GOLGA8T: variants seen among roughly 807,000 people sequenced by gnomAD.
GOLGA8T encodes golgin A8 family member T.
A neutral mutation model predicts 52.0 loss-of-function variants in GOLGA8T; 17 were observed. The observed-to-expected ratio is 0.33, with a 90% CI of 0.22 to 0.49. The LOEUF (loss-of-function observed/expected upper bound fraction) is 0.49, where lower values mean the gene tolerates loss of function less well. Ranked by LOEUF, GOLGA8T falls within the 20% of genes least tolerant of loss-of-function variation. The pLI, the probability that GOLGA8T is intolerant of heterozygous loss-of-function variation, is 0.99. For synonymous variants in GOLGA8T, 67 were observed against 169.5 expected (o/e 0.40, Z 4.70); for missense variants, 154 against 462.1 (o/e 0.33, Z 6.11).
rs1288354270 is a variant in GOLGA8T, at chr15:30,148,357, G to A, written c.*2790G>A. ...TTTCCAGAAATGAAAAAAAAAATCA[G>A]CTCTAAAACCAAAGCGATTTTAGAA... is the stretch of plus-strand genomic sequence containing the variant. On this transcript the variant is annotated 3_prime_UTR_variant, in exon 19 of 19. Transcript: ENST00000569052. Among the ~76,000 whole-genome samples the A allele has an allele frequency of 2.3e-5, 3 of 129,148 alleles. 1 individual carries two copies. The highest frequency in any genetic ancestry group is 4.0e-5 in the African/African-American group (1 of 24,866). The allele number at this position is 129,148 out of a possible 152,430, so 84.7% of individuals were successfully genotyped here. A position where few individuals can be genotyped will look rare whatever the true frequency, so the allele number is the denominator to read the frequency against.
At chr15:30,140,214 C>G in intron 8 of GOLGA8T, 1 of 447,400 alleles carries the variant, frequency 2.2e-6, no homozygotes, top group South Asian at 1.9e-5. Flanking sequence ...AACATGTCTG[C>G]AAGGGTTCAT....
chr15:30,145,619 G>A lies in GOLGA8T; in HGVS notation c.*52G>A, dbSNP rs2057819462. Reference sequence around the variant, plus strand: ...AAGAAATTTTTAAATAAGAAACCAAGTTATGGGGTTAATCTCCTACACAAT... The same window carrying A: ...AAGAAATTTTTAAATAAGAAACCAAATTATGGGGTTAATCTCCTACACAAT... On this transcript the variant is annotated 3_prime_UTR_variant, in exon 19 of 19. Transcript: ENST00000569052. The A allele has an allele frequency of 6.7e-6, 6 of 890,746 alleles. 1 individual carries two copies. The highest frequency in any genetic ancestry group is 9.9e-6 in the Non-Finnish European group (6 of 606,480). The allele number at this position is 890,746 out of a possible 1,614,324, so 55.2% of individuals were successfully genotyped here.
chr15:30,145,997 C>G lies in GOLGA8T; in HGVS notation c.*430C>G, dbSNP rs1399807323. Reference sequence around the variant, plus strand: ...TGCCTATGTTCTGCTGTTGTTTGATCTAATCTTAATCACAGTGAGCTCTTC... The same window carrying G: ...TGCCTATGTTCTGCTGTTGTTTGATGTAATCTTAATCACAGTGAGCTCTTC... On this transcript the variant is annotated 3_prime_UTR_variant, in exon 19 of 19. Coordinates refer to ENST00000569052, the MANE Select transcript of GOLGA8T (RefSeq NM_001355469.2). 2.6e-3 allele frequency among the ~76,000 whole-genome samples: 304 copies of G among 117,742 alleles called. No homozygotes were observed. Among genetic ancestry groups the G allele is most frequent in the South Asian group, 0.018 (66 of 3,624 alleles). 77.2% of individuals were successfully genotyped at this position (117,742 alleles called of 152,430 possible). A position where few individuals can be genotyped will look rare whatever the true frequency, so the allele number is the denominator to read the frequency against.
Position 30,142,375 on chromosome 15 carries a change from T to C in GOLGA8T, c.1193T>C (p.Leu398Pro). Residue 398 changes from leucine to proline, a missense_variant, in exon 13 of 19, where the codon CTT (leucine) becomes CCT (proline). Leu to Pro is a moderately conservative substitution (Grantham distance 98). Transcript: ENST00000569052. The stretch of plus-strand genomic sequence containing the variant: ...CAAGTAAAGGAGCTACAGGAGAAGC[T>C]TGGCGAGGTGAAGGAGACGGAAACC... Reference protein sequence around the residue: ...EQQVKELQEKLGEEHLEAASQ... With the variant: ...EQQVKELQEKPGEEHLEAASQ... 6.5e-7 allele frequency: 1 copy of C among 1,548,516 alleles called. No individual in the cohort carries two copies. Among genetic ancestry groups the C allele is most frequent in the Non-Finnish European group, 8.6e-7 (1 of 1,157,118 alleles).
chr15:30,141,555 G>A, intron 11 of GOLGA8T, 130 bp downstream of exon 11: 1 of 747,154 alleles, frequency 1.3e-6, no homozygotes, highest in Non-Finnish European at 2.1e-6. Context: ...TGTGCCAGGA[G>A]ACGGCGAGTC....
chr15:30,140,111 T>A (rs2057720573), intron 8 of GOLGA8T: 1 of 539,214 alleles, frequency 1.9e-6, no homozygotes, highest in Non-Finnish European at 3.3e-6. Context: ...AAGAGTACCT[T>A]TAGTATGTTA....
chr15:30,141,968 A>G lies in GOLGA8T; in HGVS notation c.1041A>G (p.Glu347=). The G allele has an allele frequency of 2.3e-6, 1 of 432,834 alleles. No homozygotes were observed. Among genetic ancestry groups the G allele is most frequent in the Non-Finnish European group, 3.8e-6 (1 of 266,170 alleles). 26.8% of individuals were successfully genotyped at this position (432,834 alleles called of 1,614,324 possible). ...AAGAAGAGAGGATTCAGGAGCAGGAAGAGAGGCTTCGGAAGCAGGAGGAGA... is the reference window on the plus strand; with the variant it reads ...AAGAAGAGAGGATTCAGGAGCAGGAGGAGAGGCTTCGGAAGCAGGAGGAGA... ...QRQEERIQEQ[E]ERLRKQEERI... Residue 347 remains glutamate (E), a synonymous_variant, in exon 12 of 19, where the codon GAA becomes GAG. Transcript: ENST00000569052.
chr15:30,141,397 G>A lies in GOLGA8T; in HGVS notation c.846G>A (p.Arg282=), dbSNP rs1486906710. The A allele has an allele frequency of 2.6e-6, 4 of 1,540,734 alleles. No individual in the cohort carries two copies. Among genetic ancestry groups the A allele is most frequent in the Middle Eastern group, 1.8e-4 (1 of 5,644 alleles). ...TGCGTCGGGTAGAGGAGCTGGAGAGGAGCTTGTCCAAACTCAAAAACCAGA... is the reference window on the plus strand; with the variant it reads ...TGCGTCGGGTAGAGGAGCTGGAGAGAAGCTTGTCCAAACTCAAAAACCAGA... ...QDMRRVEELE[R]SLSKLKNQMA... Residue 282 remains arginine (R), a synonymous_variant, in exon 11 of 19, where the codon AGG becomes AGA. Transcript: ENST00000569052.
chr15:30,145,270 A>T lies in GOLGA8T; in HGVS notation c.1683A>T (p.Pro561=). Residue 561 remains proline (P), a synonymous_variant, in exon 18 of 19, where the codon CCA becomes CCT. Coordinates refer to ENST00000569052, the MANE Select transcript of GOLGA8T (RefSeq NM_001355469.2). Reference sequence around the variant, plus strand: ...CTGATGAGCCCGGTCCAGGAGCCCCAGCTCCCCAGGAGCTTGGGGCTGCAG... The same window carrying T: ...CTGATGAGCCCGGTCCAGGAGCCCCTGCTCCCCAGGAGCTTGGGGCTGCAG... ...NPADEPGPGA[P]APQELGAADK... is the part of the protein sequence containing the mutation. 1 of 1,475,606 alleles carries T rather than the reference A, an allele frequency of 6.8e-7. No homozygotes were observed. The highest frequency in any genetic ancestry group is 8.9e-7 in the Non-Finnish European group (1 of 1,117,586). The allele number at this position is 1,475,606 out of a possible 1,614,324, so 91.4% of individuals were successfully genotyped here. A position where few individuals can be genotyped will look rare whatever the true frequency, so the allele number is the denominator to read the frequency against.
chr15:30,142,433 C>T lies in GOLGA8T; in HGVS notation c.1200+51C>T, dbSNP rs1375109574. The T allele has an allele frequency of 4.4e-6, 7 of 1,581,260 alleles. No individual in the cohort carries two copies. The African/African-American group carries it at 7.2e-5, about 16-fold the overall frequency. ...CATCCAAGAAGGGCTGGGAGGCGGGCAGCAGACTCTGGGGAGGGGAGGTAC... is the reference window on the plus strand; with the variant it reads ...CATCCAAGAAGGGCTGGGAGGCGGGTAGCAGACTCTGGGGAGGGGAGGTAC... On this transcript the variant is annotated intron_variant, in intron 13 of 18. Coordinates refer to ENST00000569052, the MANE Select transcript of GOLGA8T (RefSeq NM_001355469.2).
At chr15:30,142,273 C>T (rs762874408) in intron 12 of GOLGA8T, 41 bp from the exon 13 acceptor site, 2 of 1,352,410 alleles carry the variant, frequency 1.5e-6, no homozygotes, top group South Asian at 1.3e-5. Flanking sequence ...CTGGGGTCTC[C>T]AGCTGCAGTG....
Position 30,141,384 on chromosome 15 carries a change from A to C in GOLGA8T, c.833A>C (p.Glu278Ala). 6.5e-7 allele frequency: 1 copy of C among 1,542,950 alleles called. No homozygotes were observed. Among genetic ancestry groups the C allele is most frequent in the South Asian group, 1.2e-5 (1 of 85,642 alleles). The part of the protein sequence containing the change: ...KEKQQDMRRV[E>A]ELERSLSKLK... ...AAGCAGCAAGATATGCGTCGGGTAG[A>C]GGAGCTGGAGAGGAGCTTGTCCAAA... Residue 278 changes from glutamate to alanine, a missense_variant, in exon 11 of 19, where the codon GAG (glutamate) becomes GCG (alanine). Glu to Ala is a moderately radical substitution (Grantham distance 107). This residue lies in a region of GOLGA8T where 56 missense variants were observed against 134.2 expected (regional missense o/e 0.42). Coordinates refer to ENST00000569052, the MANE Select transcript of GOLGA8T (RefSeq NM_001355469.2).
chr15:30,142,536 C>G (rs964226102), intron 13 of GOLGA8T, among the ~76,000 whole-genome samples, 154 bp downstream of exon 13: 1 of 146,298 alleles, frequency 6.8e-6, no homozygotes, highest in African/African-American at 2.7e-5. Flanking sequence ...TGCTTCCTGC[C>G]TCTGACTTTT....
rs760484854 is a variant in GOLGA8T, at chr15:30,141,399, G to C, written c.848G>C (p.Ser283Thr). ...DMRRVEELER[S>T]LSKLKNQMAE... ...CGTCGGGTAGAGGAGCTGGAGAGGA[G>C]CTTGTCCAAACTCAAAAACCAGATG... The change falls in exon 11 of 19, where the codon AGC becomes ACC. Residue 283 changes from serine to threonine, a missense_variant. By Grantham distance (58) the Ser-to-Thr change is moderately conservative. Transcript: ENST00000569052. 1.9e-5 allele frequency: 29 copies of C among 1,540,514 alleles called. 2 individuals carry two copies. The highest frequency in any genetic ancestry group is 2.4e-5 in the Non-Finnish European group (28 of 1,157,522).
intron 10 of GOLGA8T, 51 bp from the exon 11 acceptor site, chr15:30,141,287 C>A: frequency 6.4e-7 from 1 of 1,552,944 alleles, no homozygotes; most frequent in Non-Finnish European, 8.6e-7. Flanking sequence ...GGCAGCCTGT[C>A]CAGCCACCAG....
At chr15:30,137,319 A>C (rs1190729638) in intron 2 of GOLGA8T, among the ~76,000 whole-genome samples, 5 of 135,564 alleles carry the variant, frequency 3.7e-5, no homozygotes, top group African/African-American at 1.5e-4. Flanking sequence ...TGGAGCTTGC[A>C]GTAGCCAAGA....
At position 30,148,662 on chromosome 15, in the gene GOLGA8T, A is replaced by G. The variant is rs1186339778; in HGVS notation, c.*3095A>G. ...TGAATTATTGTAAACAGAATGTGTC[A>G]TGGAAATACTGAAAGATTTTTCCCT... is the stretch of plus-strand genomic sequence containing the variant. On this transcript the variant is annotated 3_prime_UTR_variant, in exon 19 of 19. Transcript: ENST00000569052. Among the ~76,000 whole-genome samples the G allele has an allele frequency of 5.8e-3, 830 of 144,260 alleles. 9 individuals carry two copies. The highest frequency in any genetic ancestry group is 0.021 in the African/African-American group (788 of 36,988). The allele number at this position is 144,260 out of a possible 152,430, so 94.6% of individuals were successfully genotyped here. A position where few individuals can be genotyped will look rare whatever the true frequency, so the allele number is the denominator to read the frequency against.
rs1430811736 is a variant in GOLGA8T at position 30,142,763 on chromosome 15, C to G, written c.1200+381C>G. On this transcript the variant is annotated intron_variant, in intron 13 of 18. Coordinates refer to ENST00000569052, the MANE Select transcript of GOLGA8T (RefSeq NM_001355469.2). ...ATCAGCCTGGCCAATGTGGTAAAAC[C>G]TCATCTCTACTAAAATTACAAAAAA... Among the ~76,000 whole-genome samples the G allele has an allele frequency of 3.5e-5, 4 of 113,296 alleles. 1 individual carries two copies. The South Asian group carries it at 1.1e-3, about 32-fold the overall frequency. 74.3% of individuals were successfully genotyped at this position (113,296 alleles called of 152,430 possible). A position where few individuals can be genotyped will look rare whatever the true frequency, so the allele number is the denominator to read the frequency against.
chr15:30,136,446 C>A, intron 1 of GOLGA8T, among the ~76,000 whole-genome samples: 1 of 148,576 alleles, frequency 6.7e-6, no homozygotes, highest in East Asian at 2.0e-4. Flanking sequence ...AGGCTGCCTT[C>A]TGCCATGAGG....
Sources: allele counts gnomAD v4.1 joint callset (sites outside exome capture counted in the v4.1 genomes callset), GRCh38; gene constraint gnomAD v4.1.1; regional missense constraint gnomAD v4.1.1; transcripts MANE v1.5; gene names NCBI Gene and HGNC (gene_info 2026-07-23, HGNC 2026-07-21).